Variants in ACP7 observed in about 807,000 individuals in gnomAD.
ACP7 encodes the protein acid phosphatase 7, tartrate resistant (putative).
A neutral mutation model predicts 60.6 loss-of-function variants in ACP7; 58 were observed. The ratio of observed to expected loss-of-function variants is 0.96; its 90% CI spans 0.77 to 1.19. The LOEUF is 1.19. ACP7 is among the 50% of genes most tolerant of loss of function. ACP7 has a pLI of 0.00. For missense variants in ACP7, 574 were observed against 596.2 expected (o/e 0.96, Z 0.39); for synonymous variants, 237 against 232.6 (o/e 1.02, Z -0.17).
chr19:39,109,733 G>A (rs952200931), intron 12 of ACP7, among the ~76,000 whole-genome samples: 16 of 148,006 alleles, frequency 1.1e-4, no homozygotes, highest in African/African-American at 4.0e-4. Flanking sequence ...AAGAGTGGAT[G>A]TGCTGGAATA....
At position 39,085,241 on chromosome 19, in the gene ACP7, C is replaced by T. The variant is rs147553975; in HGVS notation, c.-29C>T. On this transcript the variant is annotated 5_prime_UTR_variant, in exon 2 of 13. Transcript: ENST00000331256. ...TGATCTCCTCAGTCCCCCTGCTTTT[C>T]CCCGGTCTGCCATCACCACCCCACC... 639 of 1,601,712 alleles carry T rather than the reference C, an allele frequency of 4.0e-4. 3 individuals are homozygous for T. The African/African-American group carries it at 7.5e-3, about 19-fold the overall frequency.
chr19:39,107,790 G>T (rs1568484990), intron 12 of ACP7, among the ~76,000 whole-genome samples: 1 of 152,070 alleles, frequency 6.6e-6, no homozygotes, highest in East Asian at 1.9e-4. Context: ...GGAGGTTGAG[G>T]CAGGAGAATC....
chr19:39,086,127 C>T (rs546826536), intron 2 of ACP7, among the ~76,000 whole-genome samples: 1 of 151,958 alleles, frequency 6.6e-6, no homozygotes, highest in African/African-American at 2.4e-5. Context: ...AGTTTGGGAC[C>T]AGCCTAGGAA....
intron 2 of ACP7, among the ~76,000 whole-genome samples, chr19:39,087,335 T>C (rs1467057180): frequency 6.6e-6 from 1 of 152,170 alleles, no homozygotes; most frequent in Non-Finnish European, 1.5e-5. Context: ...GTATCTGGTT[T>C]GGTAACTGAC....
At chr19:39,086,457 C>T (rs2073142004) in intron 2 of ACP7, among the ~76,000 whole-genome samples, 1 of 151,830 alleles carries the variant, frequency 6.6e-6, no homozygotes, top group East Asian at 1.9e-4. Context: ...TGGGTGAAAC[C>T]CGGTCTCTAC....
In ACP7 at chr19:39,098,550, C is replaced by G; in HGVS notation, c.214C>G (p.Leu72Val). ...GTTGCAGCCGTCGGGGCCCCTGCCC[C>G]TCCGCGCCCAGGGCACCTTCGTCCC... is the stretch of plus-strand genomic sequence containing the variant. ...FGLQPSGPLP[L>V]RAQGTFVPFV... The change falls in exon 3 of 13, where the codon CTC becomes GTC. Residue 72 changes from leucine (L) to valine (V), a missense_variant. Physicochemically the swap from Leu to Val is conservative, Grantham distance 32. Transcript: ENST00000331256. The G allele has an allele frequency of 1.9e-6, 3 of 1,613,232 alleles. No homozygotes were observed. The highest frequency in any genetic ancestry group is 2.2e-5 in the East Asian group (1 of 44,846).
At chr19:39,095,335 A>G (rs992615444) in intron 2 of ACP7, among the ~76,000 whole-genome samples, 1 of 152,184 alleles carries the variant, frequency 6.6e-6, no homozygotes, top group African/African-American at 2.4e-5. Context: ...GCCATTCCAA[A>G]TGGGAGAAAT....
intron 12 of ACP7, among the ~76,000 whole-genome samples, chr19:39,109,748 G>A (rs1360323560): frequency 7.0e-6 from 1 of 143,086 alleles, no homozygotes; most frequent in East Asian, 2.1e-4. Flanking sequence ...GGAATATAAA[G>A]CAAGGTCTGT....
chr19:39,087,632 G>GTTTT (rs58068960), intron 2 of ACP7, among the ~76,000 whole-genome samples: 2 of 131,534 alleles, frequency 1.5e-5, no homozygotes, highest in African/African-American at 2.9e-5. Flanking sequence ...AGCTAATTTT[G>GTTTT]TTTTTTTTTT....
At chr19:39,098,788 A>G (rs2145005024) in intron 3 of ACP7, 130 bp downstream of exon 3, 2 of 1,349,678 alleles carry the variant, frequency 1.5e-6, no homozygotes, top group Non-Finnish European at 2.0e-6. Context: ...AGCCTGTTGT[A>G]TGAGACCCCA....
intron 2 of ACP7, among the ~76,000 whole-genome samples, chr19:39,092,412 T>C (rs1372411645): frequency 6.6e-6 from 1 of 152,036 alleles, no homozygotes; most frequent in Non-Finnish European, 1.5e-5. Flanking sequence ...CAGAATCATT[T>C]ACAGGTGTGC....
chr19:39,090,576 G>A (rs985765834), intron 2 of ACP7, among the ~76,000 whole-genome samples: 7 of 151,882 alleles, frequency 4.6e-5, no homozygotes, highest in South Asian at 2.1e-4. Context: ...CCTACCTCCC[G>A]GGCTCAAGTG....
Position 39,106,990 on chromosome 19 carries a change from C to G in ACP7, c.1157C>G (p.Pro386Arg). ...ACGCCCTTTGCTGTCTTCCCGAGGC[C>G]CTGGAGTGCCGTGCGTGTGAAGGAG... is the stretch of plus-strand genomic sequence containing the variant. ...RLTPFAVFPR[P>R]WSAVRVKEYG... Residue 386 changes from proline (P) to arginine (R), a missense_variant, in exon 12 of 13, where the codon CCC becomes CGC. By Grantham distance (103) the Pro-to-Arg change is moderately radical (BLOSUM62 -2). Transcript: ENST00000331256. 6.2e-7 allele frequency: 1 copy of G among 1,614,048 alleles called. No homozygotes were observed.
intron 2 of ACP7, among the ~76,000 whole-genome samples, chr19:39,095,742 C>T (rs571531673): frequency 4.2e-4 from 64 of 152,342 alleles, no homozygotes; most frequent in Admixed American, 9.8e-4. Flanking sequence ...TCCATGAGAG[C>T]CCCACCCCTA....
intron 11 of ACP7, among the ~76,000 whole-genome samples, chr19:39,102,751 C>CTTTCTT (rs1555769467): frequency 1.2e-5 from 1 of 84,570 alleles, no homozygotes; most frequent in Non-Finnish European, 2.5e-5. Flanking sequence ...TTCTTTCTTT[C>CTTTCTT]TTTCTTTCTT....
In ACP7 at chr19:39,107,198, G is replaced by A. The variant is rs547916437; in HGVS notation, c.1251+114G>A. On this transcript the variant is annotated intron_variant, in intron 12 of 12. Coordinates refer to ENST00000331256, the MANE Select transcript of ACP7 (RefSeq NM_001004318.3). ...GCAGTGGCTCATGCCTGCAACACCT[G>A]CAATTTGGTGGGGCTAAGGTATGAG... 2.4e-5 allele frequency: 28 copies of A among 1,160,608 alleles called. No homozygotes were observed. The South Asian group carries it at 7.1e-4, about 29-fold the overall frequency. 71.9% of individuals were successfully genotyped at this position (1,160,608 alleles called of 1,614,324 possible). A position where few individuals can be genotyped will look rare whatever the true frequency, so the allele number is the denominator to read the frequency against.
chr19:39,096,464 T>C lies in ACP7; in HGVS notation c.122-1994T>C, dbSNP rs554311025. ...TGAGAGCACCTCTGCCTGGATTTCA[T>C]TGTCCATATCATTATCAGTATTTTT... On this transcript the variant is annotated intron_variant, in intron 2 of 12. Transcript: ENST00000331256. Among the ~76,000 whole-genome samples, 5 of 152,328 alleles carry C rather than the reference T, an allele frequency of 3.3e-5. 1 individual carries two copies. In the South Asian group the frequency reaches 1.0e-3, roughly 32 times the overall value.
rs1008119112 is a variant in ACP7 at position 39,102,834 on chromosome 19, CTTCT to C, written c.1113+1308_1113+1311del. Reference sequence around the variant, plus strand: ...TCTTCCTCCCTCCCTTCCTTCCTTCCTTCTTTCTTTCTTTTTTTTTGAGACGGAG... The same window carrying C: ...TCTTCCTCCCTCCCTTCCTTCCTTCCTTCTTTCTTTTTTTTTGAGACGGAG... On this transcript the variant is annotated intron_variant, in intron 11 of 12. Coordinates refer to ENST00000331256, the MANE Select transcript of ACP7 (RefSeq NM_001004318.3). 1.9e-4 allele frequency among the ~76,000 whole-genome samples: 27 copies of C among 139,264 alleles called. No individual in the cohort carries two copies. The East Asian group carries it at 3.8e-3, about 20-fold the overall frequency. 91.4% of individuals were successfully genotyped at this position (139,264 alleles called of 152,430 possible). A position where few individuals can be genotyped will look rare whatever the true frequency, so the allele number is the denominator to read the frequency against.
intron 2 of ACP7, among the ~76,000 whole-genome samples, chr19:39,096,815 T>C (rs2073270727): frequency 6.6e-6 from 1 of 152,198 alleles, no homozygotes; most frequent in East Asian, 1.9e-4. Flanking sequence ...CTTTCTTTTT[T>C]TGAGACAGAC....
Sources: allele counts gnomAD v4.1 joint callset (sites outside exome capture counted in the v4.1 genomes callset), GRCh38; gene constraint gnomAD v4.1.1; transcripts MANE v1.5; gene names NCBI Gene and HGNC (gene_info 2026-07-23, HGNC 2026-07-21).